Variants in ABAT observed in about 807,000 individuals in gnomAD.
The protein encoded by ABAT is 4-aminobutyrate aminotransferase, mitochondrial.
In ABAT, 45 loss-of-function variants were observed where a neutral mutation model predicts 64.6. The observed-to-expected ratio is 0.70, with a 90% CI of 0.55 to 0.89. The LOEUF (loss-of-function observed/expected upper bound fraction) is 0.89. Among genes scored for constraint, ABAT ranks in the 40% least tolerant of loss-of-function variants. The pLI is 0.00. For synonymous variants in ABAT, 297 were observed against 250.5 expected, an observed-to-expected ratio of 1.19 and a Z score of -1.75; for missense variants, 633 against 658.4, an observed-to-expected ratio of 0.96 and a Z score of 0.42.
rs745342667 is a variant in ABAT, at chr16:8,781,221, G to A, written c.1382-88G>A. Reference sequence around the variant, plus strand: ...TGGATGGATGGATGGATGGATGAGCGTTGCCAACAGGCATCACTTTCCCCC... The same window carrying A: ...TGGATGGATGGATGGATGGATGAGCATTGCCAACAGGCATCACTTTCCCCC... On this transcript the variant is annotated intron_variant, in intron 15 of 15. Transcript: ENST00000268251. This position sits in a 1 kb window ranked among gnomAD's most constrained non-coding sequence, Gnocchi z 4.5. 191 of 1,591,038 alleles carry A rather than the reference G, an allele frequency of 1.2e-4. No homozygotes were observed. Among genetic ancestry groups the A allele is most frequent in the Non-Finnish European group, 1.5e-4 (175 of 1,161,424 alleles).
chr16:8,712,391 T>A (rs1342978899), intron 1 of ABAT, among the ~76,000 whole-genome samples: 1 of 152,208 alleles, frequency 6.6e-6, no homozygotes, highest in African/African-American at 2.4e-5. Flanking sequence ...GTGGTAATCA[T>A]GTTAATGGTA....
At position 8,764,186 on chromosome 16, in the gene ABAT, G is replaced by A. The variant is rs368995978; in HGVS notation, c.447+37G>A. 1.2e-4 allele frequency: 181 copies of A among 1,559,896 alleles called. No homozygotes were observed. Among genetic ancestry groups the A allele is most frequent in the African/African-American group, 9.3e-4 (69 of 73,976 alleles). ...AGAAGCAATCCCATTGTCTTCAGAC[G>A]TGGTACTGGCAGGGGAAGGGAAAAG... On this transcript the variant is annotated intron_variant, in intron 7 of 15. Coordinates refer to ENST00000268251, the MANE Select transcript of ABAT (RefSeq NM_020686.6). The surrounding 1 kb of genome is among the most constrained non-coding windows in gnomAD (Gnocchi z 4.2).
At chr16:8,739,530 C>T (rs1199327496) in intron 2 of ABAT, among the ~76,000 whole-genome samples, 1 of 151,958 alleles carries the variant, frequency 6.6e-6, no homozygotes, top group South Asian at 2.1e-4. Flanking sequence ...CCAGCCTGGC[C>T]AACATGATGA....
At chr16:8,710,727 A>AGAGGGAGAGGGAGG (rs1555485684) in intron 1 of ABAT, among the ~76,000 whole-genome samples, 9,317 of 100,752 alleles carry the variant, frequency 0.092, 477 homozygotes, top group South Asian at 0.13. Context: ...AGAGAGAGAG[A>AGAGGGAGAGGGAGG]GAGGAAATAG....
chr16:8,712,940 T>A (rs1567280318), intron 1 of ABAT: 2 of 152,248 alleles, frequency 1.3e-5, no homozygotes, highest in Non-Finnish European at 2.9e-5. Context: ...GAAAGCTCTC[T>A]GCCCCCCCAA....
At chr16:8,739,218 A>T (rs1019489589) in intron 2 of ABAT, among the ~76,000 whole-genome samples, 1 of 152,188 alleles carries the variant, frequency 6.6e-6, no homozygotes, top group African/African-American at 2.4e-5. Context: ...TTTAAAGGTC[A>T]TTCTCCAGGA....
At chr16:8,706,150 G>A (rs931442110) in intron 1 of ABAT, among the ~76,000 whole-genome samples, 2 of 151,962 alleles carry the variant, frequency 1.3e-5, no homozygotes, top group Non-Finnish European at 2.9e-5. Context: ...GCTCGTGCCT[G>A]TAATCCCAAC....
rs879474243 is a variant in ABAT, at chr16:8,711,725, A to AT, written c.-41-23974_-41-23973insT. 6.2e-5 allele frequency among the ~76,000 whole-genome samples: 6 copies of AT among 97,124 alleles called. No individual in the cohort carries two copies. In the Admixed American group the frequency reaches 6.7e-4, roughly 11 times the overall value. 63.7% of individuals were successfully genotyped at this position (97,124 alleles called of 152,430 possible). A position where few individuals can be genotyped will look rare whatever the true frequency, so the allele number is the denominator to read the frequency against. ...TTGGATGGATGGATGGATGGATGGG[A>AT]AGATGGATGGGTGGATGGATGGGTG... is the stretch of plus-strand genomic sequence containing the variant. On this transcript the variant is annotated intron_variant, in intron 1 of 15. Transcript: ENST00000268251.
chr16:8,775,134 A>C, intron 13 of ABAT, 77 bp downstream of exon 13: 297 of 1,589,042 alleles, frequency 1.9e-4, no homozygotes, highest in Non-Finnish European at 2.3e-4. Flanking sequence ...TTCCTTTCTC[A>C]CCATCGAGGA....
chr16:8,748,238 T>C, intron 4 of ABAT, 101 bp downstream of exon 4: 1 of 1,162,236 alleles, frequency 8.6e-7, no homozygotes, highest in South Asian at 1.4e-5. Context: ...AAAAAAAATG[T>C]AGTTGACTTT....
intron 11 of ABAT, among the ~76,000 whole-genome samples, chr16:8,770,693 G>A (rs1024007963): frequency 2.6e-5 from 4 of 152,076 alleles, no homozygotes; most frequent in African/African-American, 7.2e-5. Context: ...TGCCCACTTC[G>A]GCTTCCCAAA....
intron 1 of ABAT, among the ~76,000 whole-genome samples, chr16:8,726,881 A>G (rs1377990244): frequency 6.6e-6 from 1 of 152,186 alleles, no homozygotes; most frequent in Non-Finnish European, 1.5e-5. Flanking sequence ...GATATAAGCC[A>G]TGTTAACTGG....
rs566517842 is a variant in ABAT at position 8,764,456 on chromosome 16, A to C, written c.448-282A>C. 6.6e-6 allele frequency among the ~76,000 whole-genome samples: 1 copy of C among 152,126 alleles called. No homozygotes were observed. The highest frequency in any genetic ancestry group is 1.9e-4 in the East Asian group (1 of 5,184). Reference sequence around the variant, plus strand: ...ACGATTAAAGCCATTGGGAGCCTCAACGTCCCGCCTGGAACGTGTAGGTGT... The same window carrying C: ...ACGATTAAAGCCATTGGGAGCCTCACCGTCCCGCCTGGAACGTGTAGGTGT... On this transcript the variant is annotated intron_variant, in intron 7 of 15. Coordinates refer to ENST00000268251, the MANE Select transcript of ABAT (RefSeq NM_020686.6). This position sits in a 1 kb window ranked among gnomAD's most constrained non-coding sequence, Gnocchi z 4.2.
intron 1 of ABAT, among the ~76,000 whole-genome samples, chr16:8,718,195 C>G (rs2058266663): frequency 6.6e-6 from 1 of 152,168 alleles, no homozygotes; most frequent in African/African-American, 2.4e-5. Flanking sequence ...AAATGTCCAA[C>G]CCAGCAACTG....
chr16:8,742,123 C>A (rs2059179481), intron 2 of ABAT, among the ~76,000 whole-genome samples: 1 of 152,198 alleles, frequency 6.6e-6, no homozygotes. Context: ...CTGGCTTGTG[C>A]CCCATAGCGC....
intron 5 of ABAT, among the ~76,000 whole-genome samples, 197 bp downstream of exon 5, chr16:8,750,736 C>G (rs1286607432): frequency 6.6e-6 from 1 of 152,196 alleles, no homozygotes; most frequent in Non-Finnish European, 1.5e-5. Context: ...CTCTCATCTA[C>G]TCCTTCCCCA....
rs1229106176 is a variant in ABAT at position 8,733,308 on chromosome 16, T to C, written c.-41-2391T>C. 6.8e-5 allele frequency among the ~76,000 whole-genome samples: 10 copies of C among 147,064 alleles called. No homozygotes were observed. In the East Asian group the frequency reaches 1.2e-3, roughly 18 times the overall value. On this transcript the variant is annotated intron_variant, in intron 1 of 15. Transcript: ENST00000268251. The stretch of plus-strand genomic sequence containing the variant: ...GAAGAGGTGGTCCTCACTTCCTAGG[T>C]GGGATGGCGGCCGGGCGGAGACGCT...
intron 1 of ABAT, among the ~76,000 whole-genome samples, chr16:8,675,581 C>G (rs1049954730): frequency 6.6e-6 from 1 of 152,184 alleles, no homozygotes; most frequent in African/African-American, 2.4e-5. Context: ...ATTTCACATC[C>G]TCTCACCTTT....
chr16:8,731,792 A>G (rs531820928), intron 1 of ABAT, among the ~76,000 whole-genome samples: 1 of 152,072 alleles, frequency 6.6e-6, no homozygotes, highest in African/African-American at 2.4e-5. Flanking sequence ...CAAACACACT[A>G]AACAATGTCC....
Sources: gnomAD v4.1 joint callset for allele counts (sites outside exome capture counted in the v4.1 genomes callset) on GRCh38, gnomAD v4.1.1 for gene constraint, Gnocchi (gnomAD v3.1) non-coding constraint, MANE v1.5 for transcripts, NCBI Gene and HGNC (gene_info 2026-07-23, HGNC 2026-07-21) for gene names.